THADA: variants seen among roughly 807,000 people sequenced by gnomAD.
THADA encodes the protein THADA armadillo repeat containing.
Under a neutral mutation model 219.8 loss-of-function variants are expected in THADA, and 213 were observed. The observed-to-expected ratio is 0.97, with a 90% CI of 0.87 to 1.09. The LOEUF (loss-of-function observed/expected upper bound fraction) is 1.09, where lower values mean the gene tolerates loss of function less well. THADA is among the 50% of genes least tolerant of loss of function. The probability of loss-of-function intolerance (pLI) is 0.00; values close to 1 mark genes in which losing one functional copy is unlikely to be tolerated. For missense variants in THADA, 2,956 were observed against 2,311.3 expected (o/e 1.28, Z -5.72); for synonymous variants, 1,018 against 828.9 (o/e 1.23, Z -3.92).
intron 37 of THADA, among the ~76,000 whole-genome samples, chr2:43,231,644 A>G (rs1346584068): frequency 6.6e-6 from 1 of 152,218 alleles, no homozygotes. Context: ...GGATGCTGAA[A>G]AGGGGACTTC....
At position 43,230,896 on chromosome 2, in the gene THADA, T is replaced by G; in HGVS notation, c.*52A>C. 6.5e-7 allele frequency: 1 copy of G among 1,527,982 alleles called. No individual in the cohort carries two copies. The highest frequency in any genetic ancestry group is 8.8e-7 in the Non-Finnish European group (1 of 1,137,208). 94.7% of individuals were successfully genotyped at this position (1,527,982 alleles called of 1,614,324 possible). Reference sequence around the variant, plus strand: ...TATGTTCAACATGTTTCCTGCAGATTTAGTGGAGGAAAAATCCACACATAC... The same window carrying G: ...TATGTTCAACATGTTTCCTGCAGATGTAGTGGAGGAAAAATCCACACATAC... On this transcript the variant is annotated 3_prime_UTR_variant, in exon 38 of 38. Coordinates refer to ENST00000405975, the MANE Select transcript of THADA (RefSeq NM_022065.5).
chr2:43,477,362 C>G (rs1207196284), intron 26 of THADA, among the ~76,000 whole-genome samples: 1 of 152,116 alleles, frequency 6.6e-6, no homozygotes, highest in African/African-American at 2.4e-5. Context: ...CACATTATAG[C>G]ACAGGTCTGA....
Position 43,279,684 on chromosome 2 carries a change from A to G in THADA, c.5296+81T>C, listed in dbSNP as rs1673113324. Reference sequence around the variant, plus strand: ...CCAAATGACCAACAATGCCTAAGATACTATCTGGCTCATTATAGAAAAGTG... The same window carrying G: ...CCAAATGACCAACAATGCCTAAGATGCTATCTGGCTCATTATAGAAAAGTG... On this transcript the variant is annotated intron_variant, in intron 36 of 37. Transcript: ENST00000405975. 3.4e-6 allele frequency: 5 copies of G among 1,468,352 alleles called. No homozygotes were observed. The East Asian group carries it at 1.4e-4, about 40-fold the overall frequency. The allele number at this position is 1,468,352 out of a possible 1,614,324, so 91.0% of individuals were successfully genotyped here.
At chr2:43,244,122 T>C (rs1054388492) in intron 36 of THADA, among the ~76,000 whole-genome samples, 1 of 152,170 alleles carries the variant, frequency 6.6e-6, no homozygotes, top group Non-Finnish European at 1.5e-5. Context: ...AAACACTGGG[T>C]AAATAAAATT....
chr2:43,357,454 A>C (rs1478651855), intron 29 of THADA, among the ~76,000 whole-genome samples: 1 of 152,210 alleles, frequency 6.6e-6, no homozygotes, highest in Non-Finnish European at 1.5e-5. Flanking sequence ...CCACGACTTG[A>C]AAGTCCGGCA....
intron 15 of THADA, among the ~76,000 whole-genome samples, chr2:43,560,983 C>G (rs1199638396): frequency 6.8e-6 from 1 of 147,288 alleles, no homozygotes; most frequent in Non-Finnish European, 1.5e-5. Flanking sequence ...TGTCAGTGCA[C>G]TCCAGCCTGC....
chr2:43,238,204 CTG>C (rs1431437870), intron 36 of THADA, among the ~76,000 whole-genome samples: 1 of 137,036 alleles, frequency 7.3e-6, no homozygotes, highest in Non-Finnish European at 1.5e-5. Context: ...AGAAGGAAGA[CTG>C]GGCTTTGTCA....
rs11895110 is a variant in THADA, at chr2:43,233,230, T to C, written c.5297-348A>G. 2,203 of 225,430 alleles carry C rather than the reference T, an allele frequency of 9.8e-3. 36 individuals carry two copies. The highest frequency in any genetic ancestry group is 0.042 in the African/African-American group (1,893 of 45,482). The allele number at this position is 225,430 out of a possible 1,614,324, so 14.0% of individuals were successfully genotyped here. ...CCCTGTCCAGTGTCTCCTCTGCACA[T>C]CTGCCTGGATTTGACTGGTTTGCCC... On this transcript the variant is annotated intron_variant, in intron 36 of 37. Transcript: ENST00000405975.
chr2:43,292,014 T>A (rs142508913), intron 33 of THADA, 90 bp downstream of exon 33: 14 of 891,020 alleles, frequency 1.6e-5, no homozygotes, highest in Non-Finnish European at 2.4e-5. Context: ...ACCTGAGACC[T>A]GAGGGCAGGA....
intron 28 of THADA, among the ~76,000 whole-genome samples, chr2:43,418,059 C>G (rs1677219484): frequency 6.6e-6 from 1 of 152,052 alleles, no homozygotes; most frequent in East Asian, 1.9e-4. Context: ...AAAAGGATAC[C>G]TCATTATGCC....
chr2:43,470,965 G>A (rs1684839106), intron 26 of THADA, among the ~76,000 whole-genome samples: 1 of 152,140 alleles, frequency 6.6e-6, no homozygotes, highest in African/African-American at 2.4e-5. Context: ...ATAATGGGGA[G>A]GACCTGAGGG....
chr2:43,396,967 G>T (rs1354896012), intron 29 of THADA, among the ~76,000 whole-genome samples: 1 of 151,992 alleles, frequency 6.6e-6, no homozygotes, highest in Non-Finnish European at 1.5e-5. Context: ...ATATCTTGTG[G>T]TGTACCCGGC....
chr2:43,263,552 A>C (rs1671196812), intron 36 of THADA, among the ~76,000 whole-genome samples: 1 of 152,190 alleles, frequency 6.6e-6, no homozygotes, highest in South Asian at 2.1e-4. Context: ...TCAAAGAGCC[A>C]ACATGCTAAG....
chr2:43,494,735 T>C (rs1341066968), intron 25 of THADA, among the ~76,000 whole-genome samples: 1 of 152,222 alleles, frequency 6.6e-6, no homozygotes, highest in Non-Finnish European at 1.5e-5. Context: ...TTTCTAGTGC[T>C]TAACATAACA....
At chr2:43,442,696 A>T (rs1332865896) in intron 26 of THADA, among the ~76,000 whole-genome samples, 1 of 152,086 alleles carries the variant, frequency 6.6e-6, no homozygotes, top group Non-Finnish European at 1.5e-5. Flanking sequence ...ATGTTACAAG[A>T]GCAGATGGAC....
intron 36 of THADA, among the ~76,000 whole-genome samples, chr2:43,253,067 C>T (rs550269391): frequency 1.4e-4 from 21 of 152,242 alleles, no homozygotes; most frequent in African/African-American, 4.3e-4. Flanking sequence ...CTCAAACTTC[C>T]GTCCCCCTCA....
chr2:43,239,376 C>G lies in THADA; in HGVS notation c.5297-6494G>C, dbSNP rs142898584. 5.9e-5 allele frequency among the ~76,000 whole-genome samples: 9 copies of G among 152,358 alleles called. No individual in the cohort carries two copies. The East Asian group carries it at 1.7e-3, about 29-fold the overall frequency. ...GCCTCCACCCCCATCCCCCGCCCCC[C>G]AACAGGGCTGGAGGTGAAGACCCAG... On this transcript the variant is annotated intron_variant, in intron 36 of 37. Coordinates refer to ENST00000405975, the MANE Select transcript of THADA (RefSeq NM_022065.5).
At chr2:43,299,431 G>T (rs1347539168) in intron 31 of THADA, among the ~76,000 whole-genome samples, 1 of 152,104 alleles carries the variant, frequency 6.6e-6, no homozygotes, top group East Asian at 1.9e-4. Context: ...GGCCGAGGCG[G>T]GCAGATCACC....
chr2:43,304,858 G>A (rs925825352), intron 31 of THADA, among the ~76,000 whole-genome samples: 11 of 152,146 alleles, frequency 7.2e-5, no homozygotes, highest in African/African-American at 2.7e-4. Context: ...TTTTAGTAGA[G>A]ACAGGGTTTT....
Sources: allele counts gnomAD v4.1 joint callset (sites outside exome capture counted in the v4.1 genomes callset), GRCh38; gene constraint gnomAD v4.1.1; transcripts MANE v1.5; gene names NCBI Gene and HGNC (gene_info 2026-07-23, HGNC 2026-07-21).